RBFOX1: variants seen among roughly 807,000 people sequenced by gnomAD.
RBFOX1 encodes the protein RNA binding protein fox-1 homolog 1.
In RBFOX1, 8 loss-of-function variants were observed where a neutral mutation model predicts 57.7. The observed-to-expected ratio is 0.14, with a 90% CI of 0.08 to 0.25. The LOEUF is 0.25. RBFOX1 is among the 10% of genes least tolerant of loss of function. The probability of loss-of-function intolerance (pLI) is 1.00; values close to 1 mark genes in which losing one functional copy is unlikely to be tolerated. For synonymous variants in RBFOX1, 326 were observed against 222.4 expected, an observed-to-expected ratio of 1.47 and a Z score of -4.15; for missense variants, 611 against 548.5, an observed-to-expected ratio of 1.11 and a Z score of -1.14.
At position 5,801,967 on chromosome 16, in the gene RBFOX1, G is replaced by A. The variant is rs113459653; in HGVS notation, c.319-65336G>A. On this transcript the variant is annotated intron_variant, in intron 3 of 19. Coordinates refer to the RBFOX1 transcript ENST00000641259. ...GAGGGTTGGACGTGTGTGCTTTTCT[G>A]CTGGGGCCATCACTCTGCCTGGGTC... Among the ~76,000 whole-genome samples, 153 of 152,244 alleles carry A rather than the reference G, an allele frequency of 1.0e-3. 2 individuals are homozygous for A. The highest frequency in any genetic ancestry group is 3.5e-3 in the African/African-American group (147 of 41,534).
chr16:7,666,424 A>AAAG (rs1456931873), intron 13 of RBFOX1, among the ~76,000 whole-genome samples: 4 of 151,990 alleles, frequency 2.6e-5, no homozygotes, highest in African/African-American at 9.7e-5. Flanking sequence ...AGTTTAGTTA[A>AAAG]AAGTATTTCA....
At chr16:6,525,580 G>C (rs542366884) in intron 2 of RBFOX1, among the ~76,000 whole-genome samples, 1 of 152,206 alleles carries the variant, frequency 6.6e-6, no homozygotes, top group East Asian at 1.9e-4. Flanking sequence ...CATTGTTCTG[G>C]AGACTGGGAA....
chr16:5,432,547 T>TG (rs1287837578), intron 1 of RBFOX1, among the ~76,000 whole-genome samples: 139 of 137,664 alleles, frequency 1.0e-3, no homozygotes, highest in African/African-American at 3.5e-3. Flanking sequence ...GTTTTTTTTT[T>TG]TTTGTTTGTT....
intron 2 of RBFOX1, among the ~76,000 whole-genome samples, chr16:6,432,574 G>A (rs1014101542): frequency 6.6e-5 from 10 of 151,856 alleles, no homozygotes. Context: ...CCCAGCTTCT[G>A]GGGAGGCTGA....
chr16:7,703,890 A>G (rs1376868302), intron 14 of RBFOX1, among the ~76,000 whole-genome samples: 1 of 152,214 alleles, frequency 6.6e-6, no homozygotes, highest in Non-Finnish European at 1.5e-5. Context: ...TGATTATATT[A>G]GAATGGAATT....
chr16:7,070,221 G>A (rs62014090), intron 4 of RBFOX1, among the ~76,000 whole-genome samples: 1 of 152,156 alleles, frequency 6.6e-6, no homozygotes, highest in African/African-American at 2.4e-5. Flanking sequence ...ACAGTGTCTT[G>A]CTCACATATG....
intron 4 of RBFOX1, among the ~76,000 whole-genome samples, chr16:7,068,119 C>T (rs527731341): frequency 6.6e-6 from 1 of 151,908 alleles, no homozygotes; most frequent in Non-Finnish European, 1.5e-5. Flanking sequence ...TACGTTGGGT[C>T]CACCCAGATT....
chr16:6,035,786 C>T (rs1216580441), intron 1 of RBFOX1, among the ~76,000 whole-genome samples: 1 of 152,112 alleles, frequency 6.6e-6, no homozygotes, highest in East Asian at 1.9e-4. Context: ...TATTTGCCAC[C>T]CCTGTTACAT....
chr16:7,224,267 C>A (rs533204077), intron 4 of RBFOX1, among the ~76,000 whole-genome samples: 89 of 151,796 alleles, frequency 5.9e-4, no homozygotes, highest in African/African-American at 2.1e-3. Context: ...ATCGTACAAG[C>A]CAGCAGTTAT....
intron 14 of RBFOX1, among the ~76,000 whole-genome samples, chr16:7,702,635 G>C (rs773852586): frequency 1.3e-5 from 2 of 152,162 alleles, no homozygotes; most frequent in Non-Finnish European, 2.9e-5. Flanking sequence ...TCCCCTTCTG[G>C]TCTTGTTCTT....
At chr16:7,215,369 GTAT>G (rs2091865982) in intron 4 of RBFOX1, among the ~76,000 whole-genome samples, 1 of 152,166 alleles carries the variant, frequency 6.6e-6, no homozygotes, top group Non-Finnish European at 1.5e-5. Flanking sequence ...ACCTGCACAT[GTAT>G]GTTTATTGCA....
In RBFOX1 at chr16:5,615,387, A is replaced by G. The variant is rs534395714; in HGVS notation, c.318+16426A>G. Among the ~76,000 whole-genome samples, 12 of 152,314 alleles carry G rather than the reference A, an allele frequency of 7.9e-5. No individual in the cohort carries two copies. In the East Asian group the frequency reaches 1.5e-3, roughly 20 times the overall value. ...GCTGCCACTTTTTGATGTGTGCTTGATAGACCCTAGAGCTTCGAAGAGTGA... is the reference window on the plus strand; with the variant it reads ...GCTGCCACTTTTTGATGTGTGCTTGGTAGACCCTAGAGCTTCGAAGAGTGA... On this transcript the variant is annotated intron_variant, in intron 3 of 19. Transcript: ENST00000641259.
intron 2 of RBFOX1, among the ~76,000 whole-genome samples, chr16:6,651,224 T>C (rs77738057): frequency 0.059 from 8,951 of 152,160 alleles, 642 homozygotes; most frequent in Admixed American, 0.16. Flanking sequence ...TGTTTGTAAC[T>C]CCCTACACAA....
At chr16:6,510,143 A>G (rs1385820501) in intron 2 of RBFOX1, among the ~76,000 whole-genome samples, 1 of 152,184 alleles carries the variant, frequency 6.6e-6, no homozygotes, top group African/African-American at 2.4e-5. Flanking sequence ...GAGTCAGTAG[A>G]GAAAGAGAAG....
At chr16:5,683,282 C>G (rs1307967550) in intron 3 of RBFOX1, among the ~76,000 whole-genome samples, 1 of 152,134 alleles carries the variant, frequency 6.6e-6, no homozygotes, top group Non-Finnish European at 1.5e-5. Context: ...GACTTCCTTG[C>G]CAATGCCCAG....
intron 4 of RBFOX1, among the ~76,000 whole-genome samples, chr16:7,167,514 G>C (rs2079816956): frequency 6.6e-6 from 1 of 152,136 alleles, no homozygotes; most frequent in South Asian, 2.1e-4. Flanking sequence ...GAAGGAACAA[G>C]AAAGACCCTC....
chr16:6,907,192 G>C (rs978058132), intron 3 of RBFOX1, among the ~76,000 whole-genome samples: 1 of 152,110 alleles, frequency 6.6e-6, no homozygotes, highest in African/African-American at 2.4e-5. Flanking sequence ...CCTGGCATCT[G>C]TAGGGCAGGG....
chr16:5,889,242 A>C (rs1284056396), intron 4 of RBFOX1, among the ~76,000 whole-genome samples: 1 of 152,078 alleles, frequency 6.6e-6, no homozygotes, highest in East Asian at 1.9e-4. Context: ...CTCCCTCCCC[A>C]CACTCTCCGG....
chr16:7,029,837 A>C (rs2042335313), intron 3 of RBFOX1, among the ~76,000 whole-genome samples: 1 of 152,172 alleles, frequency 6.6e-6, no homozygotes, highest in Admixed American at 6.5e-5. Flanking sequence ...GATTTCTTGA[A>C]GATGAAAGAA....
Sources: gnomAD v4.1 joint callset for allele counts (sites outside exome capture counted in the v4.1 genomes callset) on GRCh38, gnomAD v4.1.1 for gene constraint, MANE v1.5 for transcripts, NCBI Gene and HGNC (gene_info 2026-07-23, HGNC 2026-07-21) for gene names.